Variants in MLXIP observed in about 807,000 individuals in gnomAD.
MLXIP encodes MLX interacting protein, also known as MLX-interacting protein.
Under a neutral mutation model 87.2 loss-of-function variants are expected in MLXIP, and 30 were observed. That is an observed-to-expected ratio of 0.34 (90% confidence interval 0.26 to 0.47). The LOEUF (loss-of-function observed/expected upper bound fraction) is 0.47. MLXIP is among the 20% of genes least tolerant of loss of function. The pLI, the probability that MLXIP is intolerant of heterozygous loss-of-function variation, is 1.00. For missense variants in MLXIP, 1,002 were observed against 1,240.1 expected (o/e 0.81, Z 2.88); for synonymous variants, 530 against 514.0 (o/e 1.03, Z -0.42).
At chr12:122,104,831 C>T (rs995378610) in intron 1 of MLXIP, among the ~76,000 whole-genome samples, 1 of 152,032 alleles carries the variant, frequency 6.6e-6, no homozygotes, top group Non-Finnish European at 1.5e-5. Context: ...CTGCCCACCT[C>T]GGCGTCTCAA....
chr12:122,110,380 T>G (rs1186482107), intron 1 of MLXIP, among the ~76,000 whole-genome samples: 1 of 152,012 alleles, frequency 6.6e-6, no homozygotes, highest in Non-Finnish European at 1.5e-5. Flanking sequence ...CTCCGCCTCC[T>G]GGGCTCAAGC....
In MLXIP at chr12:122,146,571, C is replaced by T. The variant is rs1355844511; in HGVS notation, c.*4759C>T. ...GTCAGGGCTTGCAAAAACCAACCTT[C>T]GAGAAAGAAAAGGGAACTCTTCACG... On this transcript the variant is annotated 3_prime_UTR_variant, in exon 17 of 17. Coordinates refer to ENST00000319080, the MANE Select transcript of MLXIP (RefSeq NM_014938.6). 6.6e-6 allele frequency: 1 copy of T among 152,118 alleles called. No homozygotes were observed. The highest frequency in any genetic ancestry group is 2.1e-4 in the South Asian group (1 of 4,822). The allele number at this position is 152,118 out of a possible 1,614,324, so 9.4% of individuals were successfully genotyped here.
At chr12:122,106,898 G>A (rs914726126) in intron 1 of MLXIP, among the ~76,000 whole-genome samples, 1 of 152,218 alleles carries the variant, frequency 6.6e-6, no homozygotes, top group Admixed American at 6.5e-5. Context: ...CACAGCACCC[G>A]GCCTTCACTG....
chr12:122,084,715 T>C (rs1952141079), intron 1 of MLXIP, among the ~76,000 whole-genome samples: 1 of 152,016 alleles, frequency 6.6e-6, no homozygotes, highest in African/African-American at 2.4e-5. Context: ...CCCAGCTAAG[T>C]TTTTGTATCT....
At chr12:122,111,560 C>A (rs1952606246) in intron 1 of MLXIP, among the ~76,000 whole-genome samples, 1 of 152,204 alleles carries the variant, frequency 6.6e-6, no homozygotes. Context: ...CCTTTCCCTG[C>A]TGCCTGTGGC....
At chr12:122,129,313 C>T in intron 4 of MLXIP, 87 bp downstream of exon 4, 8 of 1,194,326 alleles carry the variant, frequency 6.7e-6, no homozygotes, top group Non-Finnish European at 8.5e-6. Flanking sequence ...GCGGTAGGCT[C>T]CACAGCCGCC....
At chr12:122,109,289 G>A (rs975675513) in intron 1 of MLXIP, among the ~76,000 whole-genome samples, 3 of 152,220 alleles carry the variant, frequency 2.0e-5, no homozygotes, top group Non-Finnish European at 4.4e-5. Context: ...GGCTGGTCTT[G>A]AACTCCTGAC....
intron 1 of MLXIP, among the ~76,000 whole-genome samples, chr12:122,101,874 C>T (rs980810165): frequency 3.9e-5 from 6 of 152,270 alleles, no homozygotes; most frequent in East Asian, 1.9e-4. Flanking sequence ...CCACCGCGCC[C>T]GGCCTTCTCT....
intron 1 of MLXIP, among the ~76,000 whole-genome samples, chr12:122,084,979 C>A (rs188019370): frequency 2.0e-5 from 3 of 152,032 alleles, no homozygotes; most frequent in Non-Finnish European, 2.9e-5. Context: ...GCTGTGTTAC[C>A]GAGAGGTTAC....
In MLXIP at chr12:122,134,026, G is replaced by A. The variant is rs181814758; in HGVS notation, c.1732+39G>A. On this transcript the variant is annotated intron_variant, in intron 9 of 16. Coordinates refer to ENST00000319080, the MANE Select transcript of MLXIP (RefSeq NM_014938.6). ...GGAGACTCAGTGCGGGGCTCCCCCCGACCCAGAGGGATGTTTTCCCATCCC... is the reference window on the plus strand; with the variant it reads ...GGAGACTCAGTGCGGGGCTCCCCCCAACCCAGAGGGATGTTTTCCCATCCC... The A allele has an allele frequency of 2.7e-3, 4,092 of 1,535,316 alleles. 9 individuals are homozygous for A. The highest frequency in any genetic ancestry group is 3.1e-3 in the Non-Finnish European group (3,534 of 1,139,686).
Position 122,144,829 on chromosome 12 carries a change from G to A in MLXIP, c.*3017G>A, listed in dbSNP as rs141679690. The A allele has an allele frequency of 4.7e-3, 713 of 152,326 alleles. 6 individuals are homozygous for A. Among genetic ancestry groups the A allele is most frequent in the African/African-American group, 0.016 (682 of 41,542 alleles). The allele number at this position is 152,326 out of a possible 1,614,324, so 9.4% of individuals were successfully genotyped here. A position where few individuals can be genotyped will look rare whatever the true frequency, so the allele number is the denominator to read the frequency against. On this transcript the variant is annotated 3_prime_UTR_variant, in exon 17 of 17. Coordinates refer to ENST00000319080, the MANE Select transcript of MLXIP (RefSeq NM_014938.6). ...TTGAACCTGGGAGGCGGAGGTTGCA[G>A]TGAGCTGAGATTGTACCACTGCACT...
intron 1 of MLXIP, among the ~76,000 whole-genome samples, chr12:122,115,077 A>G (rs371350089): frequency 2.0e-5 from 3 of 151,996 alleles, no homozygotes; most frequent in East Asian, 3.9e-4. Context: ...ACACAATATT[A>G]TCACCAAAAT....
rs866344975 is a variant in MLXIP at position 122,147,028 on chromosome 12, C to T, written c.*5216C>T. The stretch of plus-strand genomic sequence containing the variant: ...AACGGATTCACTTGCTGATTTTGTT[C>T]ACGGCGGAAGCACCATGTTCCGTTC... On this transcript the variant is annotated 3_prime_UTR_variant, in exon 17 of 17. Transcript: ENST00000319080. 7.9e-5 allele frequency: 12 copies of T among 152,366 alleles called. No homozygotes were observed. The highest frequency in any genetic ancestry group is 5.2e-4 in the Admixed American group (8 of 15,304). The allele number at this position is 152,366 out of a possible 1,614,324, so 9.4% of individuals were successfully genotyped here.
chr12:122,114,775 T>C (rs1952663931), intron 1 of MLXIP, among the ~76,000 whole-genome samples: 1 of 132,510 alleles, frequency 7.5e-6, no homozygotes, highest in Non-Finnish European at 1.6e-5. Context: ...GGACAGGGTC[T>C]CACTCTGTTG....
At position 122,137,753 on chromosome 12, in the gene MLXIP, C is replaced by A; in HGVS notation, c.2154+163C>A. The A allele has an allele frequency of 1.5e-6, 1 of 677,840 alleles. No individual in the cohort carries two copies. The highest frequency in any genetic ancestry group is 1.8e-6 in the Non-Finnish European group (1 of 549,234). 42.0% of individuals were successfully genotyped at this position (677,840 alleles called of 1,614,324 possible). On this transcript the variant is annotated intron_variant, in intron 12 of 16. Transcript: ENST00000319080. The surrounding 1 kb of genome is among the most constrained non-coding windows in gnomAD (Gnocchi z 4.1). ...CTCCTTGCCCCATGCCACGAACCAG[C>A]CCTGTGGGGATGGTGGGCCCCCTGG...
At chr12:122,092,928 G>GAT (rs1241570194) in intron 1 of MLXIP, among the ~76,000 whole-genome samples, 3 of 139,352 alleles carry the variant, frequency 2.2e-5, no homozygotes, top group Admixed American at 1.4e-4. Context: ...ATGTGTGTGG[G>GAT]GTGTGGTGTG....
intron 1 of MLXIP, among the ~76,000 whole-genome samples, chr12:122,117,177 C>T (rs897771902): frequency 3.3e-5 from 5 of 152,214 alleles, no homozygotes; most frequent in African/African-American, 7.2e-5. Flanking sequence ...CCGCCACAGC[C>T]CTCGGATCCT....
chr12:122,086,694 G>A (rs918705068), intron 1 of MLXIP, among the ~76,000 whole-genome samples: 6 of 152,096 alleles, frequency 3.9e-5, no homozygotes, highest in Non-Finnish European at 8.8e-5. Context: ...TTCTCTAGCC[G>A]CGTGGATCAG....
chr12:122,130,772 C>T, intron 6 of MLXIP, 72 bp from the exon 7 acceptor site: 2 of 1,065,602 alleles, frequency 1.9e-6, no homozygotes, highest in Non-Finnish European at 2.9e-6. Context: ...AAGTTCTGTT[C>T]CAGGCCTTTT....
Sources: allele counts gnomAD v4.1 joint callset (sites outside exome capture counted in the v4.1 genomes callset), GRCh38; gene constraint gnomAD v4.1.1; non-coding constraint Gnocchi (gnomAD v3.1); transcripts MANE v1.5; gene names NCBI Gene and HGNC (gene_info 2026-07-23, HGNC 2026-07-21).